The following TMEM132C variants were observed in gnomAD, a reference collection of about 807,000 sequenced individuals.
TMEM132C encodes the protein transmembrane protein 132C, also known as protein phosphatase 1, regulatory subunit 152.
TMEM132C carries 29 observed loss-of-function variants against 61.4 expected under a neutral mutation model. The observed-to-expected ratio is 0.47, with a 90% CI of 0.35 to 0.64. TMEM132C has a LOEUF of 0.64. TMEM132C is among the 30% of genes least tolerant of loss of function. The pLI is 0.00. For missense variants in TMEM132C, 1,408 were observed against 1,476.9 expected, an observed-to-expected ratio of 0.95 and a Z score of 0.76; for synonymous variants, 656 against 633.1, an observed-to-expected ratio of 1.04 and a Z score of -0.54.
chr12:128,564,180 G>C (rs1037453021), intron 3 of TMEM132C, among the ~76,000 whole-genome samples: 2 of 152,168 alleles, frequency 1.3e-5, no homozygotes, highest in African/African-American at 2.4e-5. Context: ...CTATTGTGGA[G>C]GCTCTATGCT....
intron 1 of TMEM132C, among the ~76,000 whole-genome samples, chr12:128,340,829 T>TTC (rs1406371958): frequency 3.0e-5 from 4 of 134,284 alleles, no homozygotes; most frequent in Admixed American, 2.8e-4. Context: ...CTTTCTGTCT[T>TTC]TCTCTCTCTC....
chr12:128,512,392 T>C (rs950393498), intron 2 of TMEM132C, among the ~76,000 whole-genome samples: 1 of 152,170 alleles, frequency 6.6e-6, no homozygotes. Context: ...TGCTCCATTT[T>C]CCCCCTAACA....
rs60345420 is a variant in TMEM132C, at chr12:128,406,261, C to A, written c.86-8471C>A. Among the ~76,000 whole-genome samples, 1,488 of 152,246 alleles carry A rather than the reference C, an allele frequency of 9.8e-3. 30 individuals are homozygous for A. Among genetic ancestry groups the A allele is most frequent in the African/African-American group, 0.031 (1,299 of 41,530 alleles). ...ACTGCTGTGTGAAGTGGCTTCGTCCCCCATCTGGCTTGCTTCATGTTTGGG... is the reference window on the plus strand; with the variant it reads ...ACTGCTGTGTGAAGTGGCTTCGTCCACCATCTGGCTTGCTTCATGTTTGGG... On this transcript the variant is annotated intron_variant, in intron 1 of 8. Coordinates refer to ENST00000435159, the MANE Select transcript of TMEM132C (RefSeq NM_001136103.3).
intron 2 of TMEM132C, among the ~76,000 whole-genome samples, chr12:128,519,873 G>A (rs369102040): frequency 2.0e-5 from 3 of 152,140 alleles, no homozygotes; most frequent in South Asian, 2.1e-4. Context: ...TTGCCTGTGC[G>A]GCCCTGACTT....
intron 4 of TMEM132C, among the ~76,000 whole-genome samples, chr12:128,645,113 G>A (rs1178040583): frequency 2.0e-5 from 3 of 152,114 alleles, no homozygotes; most frequent in Non-Finnish European, 4.4e-5. Context: ...GCGACCCTGA[G>A]GGGGGACTCC....
At chr12:128,350,209 C>A (rs1873293484) in intron 1 of TMEM132C, among the ~76,000 whole-genome samples, 2 of 151,944 alleles carry the variant, frequency 1.3e-5, no homozygotes, top group African/African-American at 2.4e-5. Context: ...TATTTTTTTT[C>A]TTAAGCAGTT....
intron 2 of TMEM132C, among the ~76,000 whole-genome samples, chr12:128,512,488 C>T (rs1872597034): frequency 1.3e-5 from 2 of 152,076 alleles, no homozygotes; most frequent in Admixed American, 1.3e-4. Flanking sequence ...GTAGAGCTTC[C>T]AGAATCTATT....
intron 2 of TMEM132C, among the ~76,000 whole-genome samples, chr12:128,436,501 T>G (rs1869595450): frequency 6.6e-6 from 1 of 152,150 alleles, no homozygotes; most frequent in Non-Finnish European, 1.5e-5. Flanking sequence ...GAACAGACAC[T>G]TCTCAAAAGA....
intron 2 of TMEM132C, among the ~76,000 whole-genome samples, chr12:128,417,594 G>T (rs556496344): frequency 1.3e-5 from 2 of 152,328 alleles, no homozygotes; most frequent in East Asian, 3.9e-4. Context: ...ACCTCTGTGT[G>T]CCTCAGTTTC....
intron 4 of TMEM132C, among the ~76,000 whole-genome samples, chr12:128,629,357 A>C (rs1344987313): frequency 1.5e-4 from 23 of 152,188 alleles, no homozygotes; most frequent in Admixed American, 1.5e-3. Context: ...TCTGCAAAAA[A>C]AATTTTTTAA....
chr12:128,697,798 C>T (rs556840231), intron 8 of TMEM132C, among the ~76,000 whole-genome samples: 31 of 152,282 alleles, frequency 2.0e-4, no homozygotes, highest in Admixed American at 1.7e-3. Context: ...ACAACATAGC[C>T]CCTGGCTATA....
chr12:128,362,603 A>G (rs1342436718), intron 1 of TMEM132C, among the ~76,000 whole-genome samples: 2 of 152,220 alleles, frequency 1.3e-5, no homozygotes, highest in Non-Finnish European at 2.9e-5. Context: ...ATTTTGGAAT[A>G]TCTGCATGTA....
rs1593126716 is a variant in TMEM132C, at chr12:128,630,379, CT to C, written c.1305+14045del. Among the ~76,000 whole-genome samples, 1 of 152,296 alleles carries C rather than the reference CT, an allele frequency of 6.6e-6. No homozygotes were observed. The highest frequency in any genetic ancestry group is 6.5e-5 in the Admixed American group (1 of 15,302). ...CTGGGCCTGTGTTTATAGTTCACTGCTCGGTGACTCCATGCACATCCAAGAT... is the reference window on the plus strand; with the variant it reads ...CTGGGCCTGTGTTTATAGTTCACTGCCGGTGACTCCATGCACATCCAAGAT... On this transcript the variant is annotated intron_variant, in intron 4 of 8. Coordinates refer to ENST00000435159, the MANE Select transcript of TMEM132C (RefSeq NM_001136103.3). The surrounding 1 kb of genome is among the most constrained non-coding windows in gnomAD (Gnocchi z 4.3).
chr12:128,370,237 G>A (rs534872845), intron 1 of TMEM132C, among the ~76,000 whole-genome samples: 17 of 151,352 alleles, frequency 1.1e-4, no homozygotes, highest in Non-Finnish European at 2.4e-4. Flanking sequence ...TAAGAATCTG[G>A]TACATGCACG....
intron 2 of TMEM132C, among the ~76,000 whole-genome samples, chr12:128,540,967 C>G (rs1411144767): frequency 6.7e-6 from 1 of 149,300 alleles, no homozygotes; most frequent in African/African-American, 2.4e-5. Context: ...CTCTCTCTTT[C>G]TGTCTCTATC....
chr12:128,299,285 T>C (rs1354902969), intron 1 of TMEM132C, among the ~76,000 whole-genome samples: 1 of 152,204 alleles, frequency 6.6e-6, no homozygotes, highest in East Asian at 1.9e-4. Context: ...GCAATTTCCA[T>C]CTTCTACACT....
intron 1 of TMEM132C, among the ~76,000 whole-genome samples, chr12:128,341,309 C>T (rs1872971810): frequency 1.3e-5 from 2 of 152,240 alleles, no homozygotes; most frequent in South Asian, 4.2e-4. Flanking sequence ...AATGGGAATA[C>T]ATTTGTTATT....
At chr12:128,305,125 T>C (rs1871725119) in intron 1 of TMEM132C, among the ~76,000 whole-genome samples, 1 of 152,108 alleles carries the variant, frequency 6.6e-6, no homozygotes, top group African/African-American at 2.4e-5. Context: ...ACACCTGTAA[T>C]CCCAGTGCTT....
intron 3 of TMEM132C, among the ~76,000 whole-genome samples, chr12:128,592,845 T>C (rs778563349): frequency 3.9e-4 from 60 of 152,216 alleles, no homozygotes; most frequent in Non-Finnish European, 7.1e-4. Context: ...TCAGGAGGCC[T>C]GGGCCCTTCT....
Sources: gnomAD v4.1 joint callset for allele counts (sites outside exome capture counted in the v4.1 genomes callset) on GRCh38, gnomAD v4.1.1 for gene constraint, Gnocchi (gnomAD v3.1) non-coding constraint, MANE v1.5 for transcripts, NCBI Gene and HGNC (gene_info 2026-07-23, HGNC 2026-07-21) for gene names.